The following KCNQ3 variants were observed in gnomAD, a reference collection of about 807,000 sequenced individuals.
KCNQ3 encodes potassium voltage-gated channel subfamily Q member 3, also known as potassium voltage-gated channel subfamily KQT member 3.
In KCNQ3, 30 loss-of-function variants were observed where a neutral mutation model predicts 92.5. The observed-to-expected ratio is 0.32, with a 90% confidence interval of 0.24 to 0.44. KCNQ3 has a LOEUF of 0.44. Among genes scored for constraint, KCNQ3 ranks in the 20% least tolerant of loss-of-function variants. The pLI, the probability that KCNQ3 is intolerant of heterozygous loss-of-function variation, is 1.00. For synonymous variants in KCNQ3, 450 were observed against 468.8 expected (o/e 0.96, Z 0.52); for missense variants, 913 against 1,140.3 (o/e 0.80, Z 2.87).
In KCNQ3 at chr8:132,346,190, T is replaced by G. The variant is rs181452533; in HGVS notation, c.386+133957A>C. ...TCAGGGCATGACCATCACTTTTCCC[T>G]TTCTTCTCTTCCCAGAGGGCTCATA... On this transcript the variant is annotated intron_variant, in intron 1 of 14. Coordinates refer to ENST00000388996, the MANE Select transcript of KCNQ3 (RefSeq NM_004519.4). 7.9e-4 allele frequency among the ~76,000 whole-genome samples: 121 copies of G among 152,260 alleles called. 1 individual carries two copies. The highest frequency in any genetic ancestry group is 7.8e-4 in the Non-Finnish European group (53 of 68,008).
In KCNQ3 at chr8:132,125,337, AT is replaced by A; in HGVS notation, c.*3924del. 1 of 152,148 alleles carries A rather than the reference AT, an allele frequency of 6.6e-6. No homozygotes were observed. The highest frequency in any genetic ancestry group is 1.9e-4 in the East Asian group (1 of 5,198). 9.4% of individuals were successfully genotyped at this position (152,148 alleles called of 1,614,324 possible). ...TTCTATAGTTTCCAAGCTAGGAAGC[AT>A]TTCTGTCTGTATAGAGTTGTTTGCA... On this transcript the variant is annotated 3_prime_UTR_variant, in exon 15 of 15. Coordinates refer to ENST00000388996, the MANE Select transcript of KCNQ3 (RefSeq NM_004519.4).
intron 1 of KCNQ3, among the ~76,000 whole-genome samples, chr8:132,265,317 C>T (rs1193743681): frequency 6.6e-6 from 1 of 152,242 alleles, no homozygotes; most frequent in Non-Finnish European, 1.5e-5. Flanking sequence ...ATGGCAAGGC[C>T]ATCCACCAAC....
rs142935684 is a variant in KCNQ3, at chr8:132,249,652, C to T, written c.387-63471G>A. Among the ~76,000 whole-genome samples, 287 of 152,342 alleles carry T rather than the reference C, an allele frequency of 1.9e-3. 3 individuals are homozygous for T. The highest frequency in any genetic ancestry group is 6.5e-3 in the African/African-American group (270 of 41,586). On this transcript the variant is annotated intron_variant, in intron 1 of 14. Coordinates refer to ENST00000388996, the MANE Select transcript of KCNQ3 (RefSeq NM_004519.4). ...AGCTGCCCGCCAGTCCCACGCCGTGCGCCTGCACACCTCAGCTGTTGGGCA... is the reference window on the plus strand; with the variant it reads ...AGCTGCCCGCCAGTCCCACGCCGTGTGCCTGCACACCTCAGCTGTTGGGCA...
In KCNQ3 at chr8:132,480,474, CCGCCCCCGT is replaced by C. The variant is rs1281937576; in HGVS notation, c.50_58del (p.Asp17_Gly19del). The stretch of plus-strand genomic sequence containing the variant: ...TGGGTTAGCCGCCCCGCCGCCTCCG[CCGCCCCCGT>C]CGCCGCCGCCGCCAGCCGCCCCCGC... On this transcript the variant is annotated inframe_deletion, in exon 1 of 15. Transcript: ENST00000388996. The C allele has an allele frequency of 2.4e-6, 3 of 1,233,036 alleles. No homozygotes were observed. The highest frequency in any genetic ancestry group is 3.0e-6 in the Non-Finnish European group (3 of 992,780). The allele number at this position is 1,233,036 out of a possible 1,614,324, so 76.4% of individuals were successfully genotyped here. A position where few individuals can be genotyped will look rare whatever the true frequency, so the allele number is the denominator to read the frequency against.
intron 1 of KCNQ3, among the ~76,000 whole-genome samples, chr8:132,274,379 T>C (rs1816259546): frequency 6.6e-6 from 1 of 152,186 alleles, no homozygotes; most frequent in Non-Finnish European, 1.5e-5. Flanking sequence ...GTCCCCATGA[T>C]AAAATTACCT....
chr8:132,400,120 T>G (rs987132649), intron 1 of KCNQ3, among the ~76,000 whole-genome samples: 1 of 152,200 alleles, frequency 6.6e-6, no homozygotes, highest in Non-Finnish European at 1.5e-5. Flanking sequence ...AAGAGCTGCA[T>G]GTTCAGGGCA....
rs555827251 is a variant in KCNQ3 at position 132,129,619 on chromosome 8, G to A, written c.2262C>T (p.Leu754=). 6.2e-5 allele frequency: 100 copies of A among 1,614,128 alleles called. No homozygotes were observed. The South Asian group carries it at 8.6e-4, about 14-fold the overall frequency. The change falls in exon 15 of 15, where the codon CTC becomes CTT. Residue 754 remains leucine (L), a synonymous_variant. Coordinates refer to ENST00000388996, the MANE Select transcript of KCNQ3 (RefSeq NM_004519.4). This position sits in a 1 kb window ranked among gnomAD's most constrained non-coding sequence, Gnocchi z 5.9. ...GGGAGTGGCAGCTCACTCGGGAGTC[G>A]AGAAGAGTCAAGATAGGCAGGACCG... ...RPTVLPILTL[L]DSRVSCHSQA...
At chr8:132,256,973 T>C (rs1815609125) in intron 1 of KCNQ3, among the ~76,000 whole-genome samples, 1 of 152,174 alleles carries the variant, frequency 6.6e-6, no homozygotes, top group African/African-American at 2.4e-5. Flanking sequence ...ATACAAGATA[T>C]TAGAAATGTA....
At chr8:132,236,423 G>A (rs1298778118) in intron 1 of KCNQ3, among the ~76,000 whole-genome samples, 1 of 152,130 alleles carries the variant, frequency 6.6e-6, no homozygotes, top group Non-Finnish European at 1.5e-5. Context: ...TAAAACAAAA[G>A]GCAAAGGAGG....
intron 1 of KCNQ3, among the ~76,000 whole-genome samples, chr8:132,261,391 A>T (rs895330622): frequency 6.6e-6 from 1 of 152,040 alleles, no homozygotes; most frequent in Admixed American, 6.6e-5. Flanking sequence ...GCAGGATTCC[A>T]CTCAGCTGTC....
intron 9 of KCNQ3, among the ~76,000 whole-genome samples, chr8:132,145,687 TA>T (rs1477632456): frequency 1.3e-5 from 2 of 152,154 alleles, no homozygotes; most frequent in Non-Finnish European, 2.9e-5. Context: ...ATATAATAAG[TA>T]AACAGACACA....
intron 1 of KCNQ3, among the ~76,000 whole-genome samples, chr8:132,421,240 C>G (rs11783475): frequency 6.6e-6 from 1 of 152,112 alleles, no homozygotes; most frequent in Non-Finnish European, 1.5e-5. Context: ...TAAATATATT[C>G]ATGCATGTGA....
At chr8:132,300,247 CA>C (rs1225447647) in intron 1 of KCNQ3, among the ~76,000 whole-genome samples, 1 of 151,432 alleles carries the variant, frequency 6.6e-6, no homozygotes, top group Admixed American at 6.6e-5. Context: ...TTTTTTTTTG[CA>C]TTTTCCCTCC....
At chr8:132,407,592 G>A (rs1029564066) in intron 1 of KCNQ3, among the ~76,000 whole-genome samples, 1 of 152,144 alleles carries the variant, frequency 6.6e-6, no homozygotes, top group Non-Finnish European at 1.5e-5. Flanking sequence ...ACCGTCTTTG[G>A]TGCTGTTCCT....
chr8:132,216,533 T>C (rs1814035333), intron 1 of KCNQ3, among the ~76,000 whole-genome samples: 2 of 152,194 alleles, frequency 1.3e-5, no homozygotes, highest in Admixed American at 1.3e-4. Flanking sequence ...GCACAATGCG[T>C]TGGAACCAAT....
At chr8:132,423,381 A>G (rs938051754) in intron 1 of KCNQ3, among the ~76,000 whole-genome samples, 14 of 152,162 alleles carry the variant, frequency 9.2e-5, no homozygotes, top group Non-Finnish European at 2.1e-4. Context: ...AGTGGGCAGA[A>G]TTGAGCTTCC....
chr8:132,173,730 G>T (rs112711488), intron 6 of KCNQ3, among the ~76,000 whole-genome samples: 1 of 152,176 alleles, frequency 6.6e-6, no homozygotes, highest in Non-Finnish European at 1.5e-5. Flanking sequence ...GACACTGGGC[G>T]TTGGGGAAGT....
intron 1 of KCNQ3, among the ~76,000 whole-genome samples, chr8:132,283,526 G>A (rs574190282): frequency 6.6e-5 from 10 of 152,302 alleles, no homozygotes; most frequent in Admixed American, 5.2e-4. Flanking sequence ...TCCAGTGCTG[G>A]GTGGAAGGTC....
intron 2 of KCNQ3, 120 bp downstream of exon 2, chr8:132,185,971 G>T: frequency 1.3e-6 from 1 of 768,066 alleles, no homozygotes; most frequent in Non-Finnish European, 2.3e-6. Context: ...CTTGGGCCTG[G>T]ACTTGACTGG....
Sources: gnomAD v4.1 joint callset for allele counts (sites outside exome capture counted in the v4.1 genomes callset) on GRCh38, gnomAD v4.1.1 for gene constraint, Gnocchi (gnomAD v3.1) non-coding constraint, MANE v1.5 for transcripts, NCBI Gene and HGNC (gene_info 2026-07-23, HGNC 2026-07-21) for gene names.